Variants in FRMD5 observed in about 807,000 individuals in gnomAD.
FRMD5 encodes FERM domain containing 5.
FRMD5 carries 20 observed loss-of-function variants against 69.0 expected under a neutral mutation model. The ratio of observed to expected loss-of-function variants is 0.29; its 90% CI spans 0.20 to 0.42. The LOEUF (loss-of-function observed/expected upper bound fraction) is 0.42, where lower values mean the gene tolerates loss of function less well. Ranked by LOEUF, FRMD5 falls within the 10% of genes least tolerant of loss-of-function variation. The pLI is 1.00. For missense variants in FRMD5, 595 were observed against 708.6 expected (o/e 0.84, Z 1.82); for synonymous variants, 271 against 260.1 (o/e 1.04, Z -0.40).
chr15:43,878,932 C>CTTTTTTTTTTTTTTTTTTT (rs71421808), intron 13 of FRMD5, among the ~76,000 whole-genome samples: 4 of 112,904 alleles, frequency 3.5e-5, no homozygotes, highest in African/African-American at 7.4e-5. Context: ...TTTTTCTTTT[C>CTTTTTTTTTTTTTTTTTTT]TTTTTTTTTT....
intron 1 of FRMD5, among the ~76,000 whole-genome samples, chr15:44,071,519 A>T (rs1023679805): frequency 2.0e-5 from 3 of 152,184 alleles, no homozygotes; most frequent in Admixed American, 6.5e-5. Flanking sequence ...TCCCTACTTA[A>T]TACAATTTAG....
intron 1 of FRMD5, among the ~76,000 whole-genome samples, chr15:43,991,847 T>G (rs1367197985): frequency 6.6e-6 from 1 of 152,200 alleles, no homozygotes; most frequent in East Asian, 1.9e-4. Flanking sequence ...TGGAGATGGC[T>G]CAATAATAAA....
chr15:44,188,287 T>C (rs2078136655), intron 1 of FRMD5, among the ~76,000 whole-genome samples: 1 of 152,202 alleles, frequency 6.6e-6, no homozygotes, highest in Admixed American at 6.5e-5. Context: ...TGCATATCTG[T>C]AGACAACCTA....
chr15:44,095,212 T>A (rs994884227), intron 1 of FRMD5, among the ~76,000 whole-genome samples: 4 of 151,874 alleles, frequency 2.6e-5, no homozygotes, highest in African/African-American at 9.7e-5. Flanking sequence ...CTTTCTTTTT[T>A]TTTTTTTTGA....
chr15:44,112,625 C>T (rs1310983311), intron 1 of FRMD5, among the ~76,000 whole-genome samples: 2 of 152,014 alleles, frequency 1.3e-5, no homozygotes, highest in African/African-American at 4.8e-5. Context: ...CGCCACCATG[C>T]CCTGCTAATT....
At chr15:43,877,421 C>T (rs1237376799) in intron 13 of FRMD5, among the ~76,000 whole-genome samples, 2 of 152,162 alleles carry the variant, frequency 1.3e-5, no homozygotes, top group Non-Finnish European at 2.9e-5. Flanking sequence ...GCAGTGTGTC[C>T]CATCTTCCTT....
At chr15:43,892,314 T>C (rs576130361) in intron 7 of FRMD5, among the ~76,000 whole-genome samples, 1 of 152,348 alleles carries the variant, frequency 6.6e-6, no homozygotes, top group Non-Finnish European at 1.5e-5. Flanking sequence ...GTTATAATGA[T>C]ACCAACCTTA....
At chr15:43,996,781 G>A (rs1292946433) in intron 1 of FRMD5, among the ~76,000 whole-genome samples, 2 of 117,340 alleles carry the variant, frequency 1.7e-5, no homozygotes, top group Non-Finnish European at 3.2e-5. Context: ...GCTGCTCAAA[G>A]TGTTCTGCAT....
intron 1 of FRMD5, among the ~76,000 whole-genome samples, chr15:44,131,574 G>A (rs886378914): frequency 2.6e-5 from 4 of 152,156 alleles, no homozygotes; most frequent in African/African-American, 9.7e-5. Flanking sequence ...TATGCAAAGT[G>A]TGGGATATAC....
rs764122961 is a variant in FRMD5, at chr15:43,883,854, C to T, written c.1029-45G>A. 31 of 1,407,574 alleles carry T rather than the reference C, an allele frequency of 2.2e-5. No homozygotes were observed. In the South Asian group the frequency reaches 3.3e-4, roughly 15 times the overall value. The allele number at this position is 1,407,574 out of a possible 1,614,324, so 87.2% of individuals were successfully genotyped here. The stretch of plus-strand genomic sequence containing the variant: ...ACCTTGTTAATTCAGTGCATGGACA[C>T]ATTTGGTAGGCACTTAAGAATTGAG... On this transcript the variant is annotated intron_variant, in intron 12 of 13. Transcript: ENST00000417257.
In FRMD5 at chr15:44,181,051, T is replaced by A. The variant is rs115183620; in HGVS notation, c.102+13902A>T. On this transcript the variant is annotated intron_variant, in intron 1 of 13. Coordinates refer to ENST00000417257, the MANE Select transcript of FRMD5 (RefSeq NM_032892.5). Reference sequence around the variant, plus strand: ...GAAAAACTAATTTAATCACTTTTTTTATTTTTAAGACCAGATCTTGGTCTG... The same window carrying A: ...GAAAAACTAATTTAATCACTTTTTTAATTTTTAAGACCAGATCTTGGTCTG... Among the ~76,000 whole-genome samples, 1,313 of 152,306 alleles carry A rather than the reference T, an allele frequency of 8.6e-3. 22 individuals are homozygous for A. The highest frequency in any genetic ancestry group is 0.03 in the African/African-American group (1,240 of 41,544).
intron 1 of FRMD5, among the ~76,000 whole-genome samples, chr15:44,192,327 C>T (rs2078210795): frequency 6.6e-6 from 1 of 152,132 alleles, no homozygotes; most frequent in African/African-American, 2.4e-5. Context: ...CCCAGTGATA[C>T]ATTTCTGATT....
chr15:44,160,933 G>A (rs1308499789), intron 1 of FRMD5, among the ~76,000 whole-genome samples: 1 of 152,148 alleles, frequency 6.6e-6, no homozygotes, highest in African/African-American at 2.4e-5. Context: ...ACTTGTTGGG[G>A]ATGCATTAAT....
At chr15:43,966,052 TAA>T (rs1327509128) in intron 1 of FRMD5, among the ~76,000 whole-genome samples, 3 of 152,046 alleles carry the variant, frequency 2.0e-5, no homozygotes, top group Non-Finnish European at 4.4e-5. Context: ...CAGGAAGATA[TAA>T]AAGTCACAAT....
chr15:43,904,914 C>T (rs2089133530), intron 6 of FRMD5, among the ~76,000 whole-genome samples: 1 of 152,096 alleles, frequency 6.6e-6, no homozygotes, highest in Non-Finnish European at 1.5e-5. Flanking sequence ...ACGTCTCCTC[C>T]ACTTCTCTCT....
intron 1 of FRMD5, among the ~76,000 whole-genome samples, chr15:43,959,718 CA>C (rs2090167066): frequency 6.6e-6 from 1 of 152,102 alleles, no homozygotes; most frequent in Admixed American, 6.5e-5. Flanking sequence ...ACTCCACTGA[CA>C]ATATTTTTTG....
chr15:44,079,669 T>C (rs1033718838), intron 1 of FRMD5, among the ~76,000 whole-genome samples: 9 of 152,140 alleles, frequency 5.9e-5, no homozygotes, highest in African/African-American at 1.7e-4. Context: ...CCCATGTTCA[T>C]AGCAGTATTA....
intron 1 of FRMD5, among the ~76,000 whole-genome samples, chr15:44,128,111 A>G (rs948980502): frequency 6.6e-6 from 1 of 152,214 alleles, no homozygotes. Flanking sequence ...GCTTCTGAGA[A>G]AAAAAGCAAT....
At chr15:44,096,670 TG>T (rs948633326) in intron 1 of FRMD5, among the ~76,000 whole-genome samples, 2 of 152,168 alleles carry the variant, frequency 1.3e-5, no homozygotes, top group African/African-American at 4.8e-5. Flanking sequence ...CCCAAAGTGC[TG>T]GGATTACAGC....
Sources: allele counts gnomAD v4.1 joint callset (sites outside exome capture counted in the v4.1 genomes callset), GRCh38; gene constraint gnomAD v4.1.1; transcripts MANE v1.5; gene names NCBI Gene and HGNC (gene_info 2026-07-23, HGNC 2026-07-21).